Variants in ADAMTS13 observed in about 807,000 individuals in gnomAD.
ADAMTS13 encodes A disintegrin and metalloproteinase with thrombospondin motifs 13.
In ADAMTS13, 110 loss-of-function variants were observed where a neutral mutation model predicts 155.1. The ratio of observed to expected loss-of-function variants is 0.71; its 90% CI spans 0.61 to 0.83. The LOEUF (loss-of-function observed/expected upper bound fraction) is 0.83, where lower values mean the gene tolerates loss of function less well. Among genes scored for constraint, ADAMTS13 ranks in the 40% least tolerant of loss-of-function variants. The probability of loss-of-function intolerance (pLI) is 0.00; values close to 1 mark genes in which losing one functional copy is unlikely to be tolerated. For missense variants in ADAMTS13, 1,707 were observed against 1,891.7 expected (o/e 0.90, Z 1.81); for synonymous variants, 758 against 756.4 (o/e 1.00, Z -0.03).
chr9:133,430,196 G>T lies in ADAMTS13; in HGVS notation c.987+95G>T, dbSNP rs782068918. The T allele has an allele frequency of 1.8e-5, 27 of 1,501,606 alleles. 1 individual carries two copies. In the East Asian group the frequency reaches 6.6e-4, roughly 37 times the overall value. 93.0% of individuals were successfully genotyped at this position (1,501,606 alleles called of 1,614,324 possible). On this transcript the variant is annotated intron_variant, in intron 8 of 28. Coordinates refer to ENST00000355699, the MANE Select transcript of ADAMTS13 (RefSeq NM_139027.6). ...AAACGTGCATGGTGAGAACCTGCTG[G>T]GTGCCGTGCTAGGCTGAGGTACTAA...
intron 13 of ADAMTS13, 127 bp downstream of exon 13, chr9:133,438,024 G>T: frequency 6.4e-7 from 1 of 1,553,298 alleles, no homozygotes. Flanking sequence ...AGTGGTGCTG[G>T]GGAAAAGGAT....
At chr9:133,439,470 C>T (rs1841499542) in intron 15 of ADAMTS13, 24 bp downstream of exon 15, 3 of 1,587,206 alleles carry the variant, frequency 1.9e-6, no homozygotes, top group Non-Finnish European at 2.6e-6. Flanking sequence ...AGGACTCCCA[C>T]CCAGTTAGCT....
chr9:133,433,795 C>G (rs959857726), intron 11 of ADAMTS13, 91 bp downstream of exon 11: 14 of 1,489,026 alleles, frequency 9.4e-6, no homozygotes, highest in Non-Finnish European at 1.3e-5. Context: ...CACCAGGACA[C>G]ATTTGAGAAG....
In ADAMTS13 at chr9:133,443,290, G is replaced by A. The variant is rs587712616; in HGVS notation, c.2235-86G>A. On this transcript the variant is annotated intron_variant, in intron 18 of 28. Coordinates refer to ENST00000355699, the MANE Select transcript of ADAMTS13 (RefSeq NM_139027.6). ...AGTGCCCATTGCTTGTCCCAGACCG[G>A]GGGAGTACATCAGCACCTGCCACCC... 2.3e-5 allele frequency: 34 copies of A among 1,492,832 alleles called. No individual in the cohort carries two copies. In the Admixed American group the frequency reaches 2.3e-4, roughly 10 times the overall value. The allele number at this position is 1,492,832 out of a possible 1,614,324, so 92.5% of individuals were successfully genotyped here. A position where few individuals can be genotyped will look rare whatever the true frequency, so the allele number is the denominator to read the frequency against.
chr9:133,452,269 C>T (rs1362046418), intron 23 of ADAMTS13, among the ~76,000 whole-genome samples: 3 of 151,898 alleles, frequency 2.0e-5, no homozygotes, highest in Non-Finnish European at 2.9e-5. Context: ...CCCGCCACCA[C>T]CCCCAACTGA....
chr9:133,440,972 G>A lies in ADAMTS13; in HGVS notation c.1968+447G>A, dbSNP rs1288973567. On this transcript the variant is annotated intron_variant, in intron 16 of 28. Coordinates refer to ENST00000355699, the MANE Select transcript of ADAMTS13 (RefSeq NM_139027.6). This position sits in a 1 kb window ranked among gnomAD's most constrained non-coding sequence, Gnocchi z 4.3. Reference sequence around the variant, plus strand: ...TTTGTGGGGAGATGAAGGCATGGACGCAGGTGCAGTGGCATCTGGGGAGTA... The same window carrying A: ...TTTGTGGGGAGATGAAGGCATGGACACAGGTGCAGTGGCATCTGGGGAGTA... 3.3e-5 allele frequency among the ~76,000 whole-genome samples: 5 copies of A among 152,130 alleles called. No homozygotes were observed. The highest frequency in any genetic ancestry group is 3.3e-4 in the Admixed American group (5 of 15,272).
chr9:133,435,299 G>T (rs943525708), intron 11 of ADAMTS13, among the ~76,000 whole-genome samples: 2 of 150,322 alleles, frequency 1.3e-5, no homozygotes, highest in African/African-American at 4.9e-5. Context: ...CGATTCCCCT[G>T]CCTCACCTTC....
chr9:133,431,380 G>T (rs2130814153), intron 8 of ADAMTS13, among the ~76,000 whole-genome samples: 1 of 147,634 alleles, frequency 6.8e-6, no homozygotes, highest in African/African-American at 2.5e-5. Context: ...AGGCTGGAGT[G>T]CAGTGGCACA....
chr9:133,421,826 T>TG (rs1411195216), upstream of ADAMTS13, among the ~76,000 whole-genome samples: 1 of 152,138 alleles, frequency 6.6e-6, no homozygotes, highest in Admixed American at 6.5e-5. Context: ...GTCATCAGCT[T>TG]GTGCGGCTCT....
At chr9:133,415,919 C>T (rs1554781468) in intron 1 of ADAMTS13, 1 of 152,244 alleles carries the variant, frequency 6.6e-6, no homozygotes, top group African/African-American at 2.4e-5. Flanking sequence ...TCAAGAAGCG[C>T]TCGGGGAGGC....
Position 133,448,686 on chromosome 9 carries a change from G to C in ADAMTS13, c.2819G>C (p.Gly940Ala), listed in dbSNP as rs1554793326. ...CTGTGTGGCCTGGCAAGCAAGCCTG[G>C]GAGCCGGCGGGAGGTCTGCCAGGCT... Reference protein sequence around the residue: ...EELCGLASKPGSRREVCQAVP... With the variant: ...EELCGLASKPASRREVCQAVP... Residue 940 changes from glycine to alanine, a missense_variant, in exon 22 of 29, where the codon GGG becomes GCG. Coordinates refer to ENST00000355699, the MANE Select transcript of ADAMTS13 (RefSeq NM_139027.6). 1.2e-6 allele frequency: 2 copies of C among 1,605,178 alleles called. No homozygotes were observed. The highest frequency in any genetic ancestry group is 1.7e-6 in the Non-Finnish European group (2 of 1,179,962).
chr9:133,458,165 C>A (rs901988481), intron 28 of ADAMTS13, 71 bp downstream of exon 28: 9 of 1,554,190 alleles, frequency 5.8e-6, no homozygotes, highest in African/African-American at 5.5e-5. Context: ...GGCTAGGGGA[C>A]CCCCTTCAGT....
chr9:133,456,144 T>G lies in ADAMTS13; in HGVS notation c.3476T>G (p.Val1159Gly). 1 of 1,613,470 alleles carries G rather than the reference T, an allele frequency of 6.2e-7. No homozygotes were observed. ...MRGPGQADCA[V>G]AIGRPLGEVV... ...GGCCCAGGGCAGGCAGACTGTGCAG[T>G]GGCCATTGGGCGGCCCCTCGGGGAG... The change falls in exon 26 of 29, where the codon GTG becomes GGG. Residue 1159 changes from valine to glycine, a missense_variant. Around this residue, in one of 3 missense-constraint regions of ADAMTS13, gnomAD observed 961 missense variants for 1,107.9 expected, o/e 0.87. Coordinates refer to ENST00000355699, the MANE Select transcript of ADAMTS13 (RefSeq NM_139027.6). This position sits in a 1 kb window ranked among gnomAD's most constrained non-coding sequence, Gnocchi z 4.4.
intron 11 of ADAMTS13, among the ~76,000 whole-genome samples, chr9:133,435,866 C>G (rs1841162856): frequency 6.6e-6 from 1 of 152,054 alleles, no homozygotes; most frequent in Admixed American, 6.6e-5. Flanking sequence ...AAACCGTTTT[C>G]CACAGTGCCT....
At chr9:133,417,212 T>G (rs950485021), upstream of ADAMTS13, among the ~76,000 whole-genome samples, 1 of 152,238 alleles carries the variant, frequency 6.6e-6, no homozygotes, top group Non-Finnish European at 1.5e-5. Context: ...ACACGGGGTT[T>G]CACCATGTTG....
At chr9:133,423,072 G>C (rs150871729) in intron 1 of ADAMTS13, 29 bp from the exon 2 acceptor site, 2 of 1,608,750 alleles carry the variant, frequency 1.2e-6, no homozygotes, top group Non-Finnish European at 1.7e-6. Flanking sequence ...CACTATGCCC[G>C]GCCCCATCCA....
At chr9:133,449,227 C>G (rs1005279199) in intron 22 of ADAMTS13, among the ~76,000 whole-genome samples, 1 of 152,160 alleles carries the variant, frequency 6.6e-6, no homozygotes, top group Non-Finnish European at 1.5e-5. Context: ...TGGTGCGTTT[C>G]TTCATCGCCT....
chr9:133,430,527 C>T (rs1175542776), intron 8 of ADAMTS13, among the ~76,000 whole-genome samples: 3 of 152,148 alleles, frequency 2.0e-5, no homozygotes, highest in Non-Finnish European at 4.4e-5. Flanking sequence ...GCAGGCACCC[C>T]AAAAGACAGA....
In ADAMTS13 at chr9:133,458,062, G is replaced by A; in HGVS notation, c.3877G>A (p.Gly1293Arg). ...IHALATNMGA[G>R]TEGANASYIL... is the part of the protein sequence containing the mutation. Reference sequence around the variant, plus strand: ...TGCCCTGGCCACCAACATGGGCGCTGGGACCGAGGGAGCCAATGCCAGCTA... The same window carrying A: ...TGCCCTGGCCACCAACATGGGCGCTAGGACCGAGGGAGCCAATGCCAGCTA... The change falls in exon 28 of 29, where the codon GGG (glycine) becomes AGG (arginine). Residue 1293 changes from glycine (G) to arginine (R), a missense_variant. By Grantham distance (125) the Gly-to-Arg change is moderately radical. This residue lies in a region of ADAMTS13 where 961 missense variants were observed against 1,107.9 expected (regional missense o/e 0.87). Transcript: ENST00000355699. The A allele has an allele frequency of 6.2e-7, 1 of 1,613,446 alleles. No individual in the cohort carries two copies. The highest frequency in any genetic ancestry group is 8.5e-7 in the Non-Finnish European group (1 of 1,180,034).
Sources: gnomAD v4.1 joint callset for allele counts (sites outside exome capture counted in the v4.1 genomes callset) on GRCh38, gnomAD v4.1.1 for gene constraint, gnomAD v4.1.1 regional missense constraint, Gnocchi (gnomAD v3.1) non-coding constraint, MANE v1.5 for transcripts, NCBI Gene and HGNC (gene_info 2026-07-23, HGNC 2026-07-21) for gene names.